ALDH1L1: variants seen among roughly 807,000 people sequenced by gnomAD.
ALDH1L1 encodes the protein cytosolic 10-formyltetrahydrofolate dehydrogenase.
In ALDH1L1, 68 loss-of-function variants were observed where a neutral mutation model predicts 101.1. That is an observed-to-expected ratio of 0.67 (90% CI 0.55 to 0.82). The LOEUF is 0.82. ALDH1L1 is among the 40% of genes least tolerant of loss of function. ALDH1L1 has a pLI of 0.00. For synonymous variants in ALDH1L1, 486 were observed against 470.8 expected (o/e 1.03, Z -0.42); for missense variants, 1,087 against 1,172.7 (o/e 0.93, Z 1.07).
At chr3:126,191,971 C>G (rs2081555950) in intron 1 of ALDH1L1, among the ~76,000 whole-genome samples, 3 of 152,286 alleles carry the variant, frequency 2.0e-5, no homozygotes, top group Admixed American at 1.3e-4. Flanking sequence ...CAGGAAACCT[C>G]TGTGGCATTA....
At chr3:126,125,871 T>G in intron 14 of ALDH1L1, 150 bp from the exon 15 acceptor site, 1 of 517,026 alleles carries the variant, frequency 1.9e-6, no homozygotes, top group Non-Finnish European at 3.4e-6. Context: ...GAGAGGCAGC[T>G]CACGCCTGCT....
At chr3:126,127,162 G>A (rs2080204269) in intron 14 of ALDH1L1, among the ~76,000 whole-genome samples, 3 of 152,130 alleles carry the variant, frequency 2.0e-5, no homozygotes, top group African/African-American at 7.2e-5. Context: ...CCGAACTGAC[G>A]CCCACACTCA....
chr3:126,136,963 C>T, intron 10 of ALDH1L1, 80 bp from the exon 11 acceptor site: 6 of 1,574,282 alleles, frequency 3.8e-6, no homozygotes, highest in Non-Finnish European at 5.2e-6. Flanking sequence ...CAGTCACACA[C>T]ACACACTGCC....
At chr3:126,153,881 C>T (rs1181644711) in intron 6 of ALDH1L1, among the ~76,000 whole-genome samples, 1 of 152,224 alleles carries the variant, frequency 6.6e-6, no homozygotes, top group Non-Finnish European at 1.5e-5. Flanking sequence ...AGAATGTGCT[C>T]CAGGCATCAC....
chr3:126,195,295 G>A (rs1458061544), intron 1 of ALDH1L1, among the ~76,000 whole-genome samples: 1 of 151,996 alleles, frequency 6.6e-6, no homozygotes, highest in Admixed American at 6.5e-5. Context: ...GATTACTAAA[G>A]TTATATAAAC....
Position 126,131,731 on chromosome 3 carries a change from C to T in ALDH1L1, c.1473-197G>A, listed in dbSNP as rs536692500. Reference sequence around the variant, plus strand: ...CCACCGGATAGCTGTGAGGATGACACCCTCTGTCCCTCTCTCCTTTCCTCG... The same window carrying T: ...CCACCGGATAGCTGTGAGGATGACATCCTCTGTCCCTCTCTCCTTTCCTCG... On this transcript the variant is annotated intron_variant, in intron 12 of 22. Transcript: ENST00000393434. Among the ~76,000 whole-genome samples the T allele has an allele frequency of 2.0e-5, 3 of 152,364 alleles. No homozygotes were observed. In the South Asian group the frequency reaches 6.2e-4, roughly 32 times the overall value.
intron 1 of ALDH1L1, among the ~76,000 whole-genome samples, chr3:126,189,810 G>T (rs549910425): frequency 2.6e-5 from 4 of 152,136 alleles, no homozygotes; most frequent in African/African-American, 9.7e-5. Context: ...CTACATAAAG[G>T]TTCAGTCTAT....
At chr3:126,107,417 C>A (rs1279878454) in intron 20 of ALDH1L1, among the ~76,000 whole-genome samples, 171 bp from the exon 21 acceptor site, 1 of 152,214 alleles carries the variant, frequency 6.6e-6, no homozygotes, top group Non-Finnish European at 1.5e-5. Flanking sequence ...GCTCTCCCAC[C>A]TGGCTTGTTC....
In ALDH1L1 at chr3:126,160,895, C is replaced by T. The variant is rs1367055490; in HGVS notation, c.85G>A (p.Val29Met). The change falls in exon 2 of 23, where the codon GTG (valine) becomes ATG (methionine). Residue 29 changes from valine to methionine, a missense_variant. Transcript: ENST00000393434. ...LRKEGHEVVG[V>M]FTVPDKDGKA... The stretch of plus-strand genomic sequence containing the variant: ...CCATCCTTGTCTGGAACAGTGAACA[C>T]ACCCACCACTTCGTGGCCCTCCTTC... 2 of 1,614,132 alleles carry T rather than the reference C, an allele frequency of 1.2e-6. No individual in the cohort carries two copies. The highest frequency in any genetic ancestry group is 1.1e-5 in the South Asian group (1 of 91,090).
intron 16 of ALDH1L1, among the ~76,000 whole-genome samples, chr3:126,121,441 C>T (rs542789809): frequency 5.8e-4 from 88 of 152,266 alleles, no homozygotes; most frequent in Non-Finnish European, 1.2e-3. Context: ...TTTTAAATCT[C>T]TTTTTACTTA....
chr3:126,157,681 C>T (rs987170383), intron 3 of ALDH1L1, among the ~76,000 whole-genome samples, 173 bp from the exon 4 acceptor site: 1 of 152,154 alleles, frequency 6.6e-6, no homozygotes. Flanking sequence ...TTGATAACAA[C>T]CATGGGCCAG....
chr3:126,104,736 A>G (rs547645329), intron 22 of ALDH1L1: 31 of 152,336 alleles, frequency 2.0e-4, no homozygotes, highest in Non-Finnish European at 4.0e-4. Context: ...TCTCATGGGT[A>G]CCCTTGGGGG....
At position 126,133,988 on chromosome 3, in the gene ALDH1L1, T is replaced by C. The variant is rs72967716; in HGVS notation, c.1472+1547A>G. 2.9e-3 allele frequency among the ~76,000 whole-genome samples: 448 copies of C among 152,326 alleles called. 1 individual carries two copies. The highest frequency in any genetic ancestry group is 0.01 in the African/African-American group (436 of 41,576). ...GAGTTCAGGGGACTGCCTAGGAACC[T>C]TGTCTAACTCTCCCTCTGGATCCTT... On this transcript the variant is annotated intron_variant, in intron 12 of 22. Coordinates refer to ENST00000393434, the MANE Select transcript of ALDH1L1 (RefSeq NM_012190.4).
upstream of ALDH1L1, chr3:126,180,694 AT>A: frequency 2.2e-6 from 3 of 1,380,910 alleles, no homozygotes; most frequent in South Asian, 4.9e-5. Flanking sequence ...TGGTGGGACT[AT>A]GGCGGGAGCG....
chr3:126,117,433 T>C (rs1164536810), intron 17 of ALDH1L1, among the ~76,000 whole-genome samples: 1 of 151,940 alleles, frequency 6.6e-6, no homozygotes, highest in East Asian at 1.9e-4. Context: ...GTCAGGTGGA[T>C]TGCTTGAGCC....
At chr3:126,164,308 G>T (rs2081120853) in intron 1 of ALDH1L1, among the ~76,000 whole-genome samples, 1 of 152,166 alleles carries the variant, frequency 6.6e-6, no homozygotes, top group African/African-American at 2.4e-5. Context: ...GCAGGTGCAG[G>T]TTTGATATAT....
intron 13 of ALDH1L1, 113 bp downstream of exon 13, chr3:126,131,271 C>A: frequency 2.3e-6 from 3 of 1,306,188 alleles, no homozygotes; most frequent in South Asian, 1.8e-5. Context: ...TCCAAGCCAC[C>A]AGTTGTGGTC....
intron 9 of ALDH1L1, 65 bp downstream of exon 9, chr3:126,146,769 GT>G: frequency 3.2e-6 from 5 of 1,551,100 alleles, no homozygotes; most frequent in Non-Finnish European, 4.4e-6. Flanking sequence ...CTGCTGCTCA[GT>G]TTTGCAGAGA....
chr3:126,191,314 A>G (rs1223185891), intron 1 of ALDH1L1, among the ~76,000 whole-genome samples: 1 of 152,168 alleles, frequency 6.6e-6, no homozygotes, highest in Non-Finnish European at 1.5e-5. Flanking sequence ...TTAAAACTCT[A>G]CTGATATGGC....
Sources: gnomAD v4.1 joint callset for allele counts (sites outside exome capture counted in the v4.1 genomes callset) on GRCh38, gnomAD v4.1.1 for gene constraint, MANE v1.5 for transcripts, NCBI Gene and HGNC (gene_info 2026-07-23, HGNC 2026-07-21) for gene names.